Variants in DNAH9 observed in about 807,000 individuals in gnomAD.
DNAH9 encodes the protein DNAH9 variant protein.
DNAH9 carries 345 observed loss-of-function variants against 471.6 expected under a neutral mutation model. The ratio of observed to expected loss-of-function variants is 0.73; its 90% CI spans 0.67 to 0.80. The LOEUF is 0.80. DNAH9 is among the 30% of genes least tolerant of loss of function. The pLI is 0.00. For missense variants in DNAH9, 5,407 were observed against 5,609.2 expected, an observed-to-expected ratio of 0.96 and a Z score of 1.15; for synonymous variants, 2,093 against 2,123.6, an observed-to-expected ratio of 0.99 and a Z score of 0.40.
At chr17:11,880,231 G>T (rs201578299) in intron 54 of DNAH9, 31 bp downstream of exon 54, 8 of 1,608,984 alleles carry the variant, frequency 5.0e-6, no homozygotes, top group African/African-American at 4.0e-5. Context: ...TGACCCTTCG[G>T]GGGGAGCTGG....
rs1971536918 is a variant in DNAH9 at position 11,854,177 on chromosome 17, T to C, written c.9682T>C (p.Phe3228Leu). ...VDGFLDSLIN[F>L]NKENIHENCL... ...TGGCTTCCTGGACTCGCTAATAAAC[T>C]TCAACAAAGAGAACATTCACGAGAA... Residue 3228 changes from phenylalanine to leucine, a missense_variant, in exon 50 of 69, where the codon TTC becomes CTC. By Grantham distance (22) the Phe-to-Leu change is conservative (BLOSUM62 0). This residue lies in a region of DNAH9 where 4,636 missense variants were observed against 4,900.3 expected (regional missense o/e 0.95). Transcript: ENST00000262442. 3 of 1,614,106 alleles carry C rather than the reference T, an allele frequency of 1.9e-6. No individual in the cohort carries two copies. The highest frequency in any genetic ancestry group is 2.5e-6 in the Non-Finnish European group (3 of 1,180,026).
intron 41 of DNAH9, among the ~76,000 whole-genome samples, chr17:11,791,636 G>T (rs185206734): frequency 1.3e-5 from 2 of 152,100 alleles, no homozygotes; most frequent in African/African-American, 2.4e-5. Flanking sequence ...GCTTGAACCC[G>T]GGAGGTGGAG....
chr17:11,801,068 A>G (rs572763186), intron 43 of DNAH9, among the ~76,000 whole-genome samples: 3 of 152,310 alleles, frequency 2.0e-5, no homozygotes, highest in Non-Finnish European at 2.9e-5. Context: ...AGTGCTTTGC[A>G]TATATCATTG....
In DNAH9 at chr17:11,889,554, C is replaced by T. The variant is rs559433294; in HGVS notation, c.11113-2223C>T. 9.8e-4 allele frequency among the ~76,000 whole-genome samples: 149 copies of T among 152,336 alleles called. 2 individuals carry two copies. Among genetic ancestry groups the T allele is most frequent in the African/African-American group, 3.4e-3 (141 of 41,586 alleles). Reference sequence around the variant, plus strand: ...TTATGCCTCCCTATTCGGTATTAAACACCTGGCCCCTGAAGGCATTGAGTT... The same window carrying T: ...TTATGCCTCCCTATTCGGTATTAAATACCTGGCCCCTGAAGGCATTGAGTT... On this transcript the variant is annotated intron_variant, in intron 57 of 68. Coordinates refer to ENST00000262442, the MANE Select transcript of DNAH9 (RefSeq NM_001372.4).
chr17:11,894,690 A>C (rs1435460730), intron 59 of DNAH9, among the ~76,000 whole-genome samples, 194 bp downstream of exon 59: 1 of 152,192 alleles, frequency 6.6e-6, no homozygotes, highest in Non-Finnish European at 1.5e-5. Flanking sequence ...AAGCAGGTGC[A>C]TGCTGGTGTA....
At chr17:11,919,352 A>G (rs12450676) in intron 61 of DNAH9, among the ~76,000 whole-genome samples, 28,030 of 151,128 alleles carry the variant, frequency 0.19, 2,610 homozygotes, top group East Asian at 0.27. Flanking sequence ...AAAATTAGCC[A>G]GGCGTGGTGG....
intron 24 of DNAH9, among the ~76,000 whole-genome samples, chr17:11,702,985 C>CA (rs2074629272): frequency 6.6e-6 from 1 of 151,208 alleles, no homozygotes; most frequent in African/African-American, 2.4e-5. Flanking sequence ...CCCAGCTACT[C>CA]AGGACGCTGA....
chr17:11,886,801 G>A (rs1221421474), intron 56 of DNAH9, 24 bp from the exon 57 acceptor site: 1 of 1,599,262 alleles, frequency 6.3e-7, no homozygotes, highest in South Asian at 1.1e-5. Context: ...TGGAACAGTG[G>A]GCTGCTGTTT....
In DNAH9 at chr17:11,834,347, A is replaced by AAAAAAG. The variant is rs1555605967; in HGVS notation, c.9247-289_9247-288insAAAGAA. On this transcript the variant is annotated intron_variant, in intron 48 of 68. Coordinates refer to ENST00000262442, the MANE Select transcript of DNAH9 (RefSeq NM_001372.4). ...CCGTCTCAAAAAAAAAAAAAAAAAA[A>AAAAAAG]AAGAAGAAGAAGAAATAAAAAAGAA... 3.5e-4 allele frequency among the ~76,000 whole-genome samples: 52 copies of AAAAAAG among 148,974 alleles called. No individual in the cohort carries two copies. In the East Asian group the frequency reaches 4.1e-3, roughly 12 times the overall value.
chr17:11,859,084 C>T (rs201629797), intron 50 of DNAH9, among the ~76,000 whole-genome samples: 1 of 64,374 alleles, frequency 1.6e-5, no homozygotes, highest in Non-Finnish European at 2.8e-5. Flanking sequence ...AACCCCGTCT[C>T]AAAAAAAAAA....
At chr17:11,680,610 C>G (rs1227212425) in intron 18 of DNAH9, 113 bp from the exon 19 acceptor site, 1 of 858,632 alleles carries the variant, frequency 1.2e-6, no homozygotes, top group East Asian at 2.5e-5. Flanking sequence ...CACCACCACA[C>G]CATTGTACCA....
intron 26 of DNAH9, among the ~76,000 whole-genome samples, chr17:11,708,566 A>T (rs1030044241): frequency 6.6e-6 from 1 of 152,100 alleles, no homozygotes; most frequent in African/African-American, 2.4e-5. Flanking sequence ...ACTTGGGCCA[A>T]TTAGTTGGAG....
intron 1 of DNAH9, among the ~76,000 whole-genome samples, chr17:11,600,376 A>C (rs184138239): frequency 7.6e-4 from 116 of 152,324 alleles, no homozygotes; most frequent in Non-Finnish European, 3.2e-4. Flanking sequence ...AGATACTGAG[A>C]GCAGACTGAT....
intron 15 of DNAH9, 46 bp downstream of exon 15, chr17:11,665,014 A>G (rs1293966253): frequency 1.3e-6 from 2 of 1,553,452 alleles, no homozygotes; most frequent in Admixed American, 1.8e-5. Flanking sequence ...AAAGATAACA[A>G]CAGTAACATT....
intron 68 of DNAH9, among the ~76,000 whole-genome samples, chr17:11,965,702 C>T (rs927966632): frequency 1.3e-5 from 2 of 151,956 alleles, no homozygotes; most frequent in African/African-American, 4.8e-5. Context: ...CCAAAAGAAA[C>T]CATGTCTAAA....
chr17:11,762,581 C>G (rs1479931665), intron 35 of DNAH9, among the ~76,000 whole-genome samples: 2 of 152,004 alleles, frequency 1.3e-5, no homozygotes, highest in Non-Finnish European at 2.9e-5. Flanking sequence ...TTGAAGAACT[C>G]CATTCAGTTC....
intron 32 of DNAH9, among the ~76,000 whole-genome samples, chr17:11,752,152 A>G (rs895505931): frequency 6.6e-6 from 1 of 152,254 alleles, no homozygotes; most frequent in Admixed American, 6.5e-5. Context: ...ATAAAAATCA[A>G]TTCTGCCCAA....
intron 62 of DNAH9, among the ~76,000 whole-genome samples, chr17:11,926,988 T>A (rs1974352490): frequency 6.6e-6 from 1 of 152,344 alleles, no homozygotes; most frequent in African/African-American, 2.4e-5. Context: ...TGGTTCTGAT[T>A]TGCATTTCTC....
intron 4 of DNAH9, among the ~76,000 whole-genome samples, chr17:11,616,054 T>C (rs2072735358): frequency 6.6e-6 from 1 of 151,286 alleles, no homozygotes; most frequent in Admixed American, 6.6e-5. Context: ...CATATCAACA[T>C]ATTTTTGTGT....
Sources: gnomAD v4.1 joint callset for allele counts (sites outside exome capture counted in the v4.1 genomes callset) on GRCh38, gnomAD v4.1.1 for gene constraint, gnomAD v4.1.1 regional missense constraint, MANE v1.5 for transcripts, NCBI Gene and HGNC (gene_info 2026-07-23, HGNC 2026-07-21) for gene names.